TIAM2: variants seen among roughly 807,000 people sequenced by gnomAD.
TIAM2 encodes the protein rho guanine nucleotide exchange factor TIAM2.
TIAM2 carries 80 observed loss-of-function variants against 152.9 expected under a neutral mutation model. The observed-to-expected ratio is 0.52, with a 90% CI of 0.44 to 0.63. TIAM2 has a LOEUF of 0.63. Ranked by LOEUF, TIAM2 falls within the 30% of genes least tolerant of loss-of-function variation. The pLI, the probability that TIAM2 is intolerant of heterozygous loss-of-function variation, is 0.00. For missense variants in TIAM2, 1,965 were observed against 2,120.1 expected (o/e 0.93, Z 1.44); for synonymous variants, 804 against 838.0 (o/e 0.96, Z 0.70).
intron 1 of TIAM2, among the ~76,000 whole-genome samples, chr6:155,057,798 G>A (rs1230573135): frequency 4.6e-5 from 7 of 151,304 alleles, no homozygotes; most frequent in Non-Finnish European, 2.9e-5. Context: ...CACCTGCCTC[G>A]GACTCCCAAA....
intron 1 of TIAM2, among the ~76,000 whole-genome samples, chr6:155,068,608 C>G (rs974196247): frequency 6.7e-6 from 1 of 150,212 alleles, no homozygotes; most frequent in African/African-American, 2.5e-5. Context: ...ACCCGCCCCC[C>G]CATCACGTCT....
Position 155,063,143 on chromosome 6 carries a change from C to T in TIAM2, c.-208-27146C>T, listed in dbSNP as rs1289387969. ...TGTCATTTTTTTTTTAAGAAAATAACTGGTTCAGATTTAGTGGCAAGGCAA... is the reference window on the plus strand; with the variant it reads ...TGTCATTTTTTTTTTAAGAAAATAATTGGTTCAGATTTAGTGGCAAGGCAA... On this transcript the variant is annotated intron_variant, in intron 1 of 26. Transcript: ENST00000682666. 2.0e-5 allele frequency among the ~76,000 whole-genome samples: 3 copies of T among 151,780 alleles called. No homozygotes were observed. In the East Asian group the frequency reaches 5.8e-4, roughly 29 times the overall value.
At position 155,249,924 on chromosome 6, in the gene TIAM2, C is replaced by A. The variant is rs749551432; in HGVS notation, c.3906C>A (p.Thr1302=). ...AGAAGATCTATGAGGATTATGGGAC[C>A]GTGTTTGACCAGCTAGTAGCTGAGC... ...EMQKIYEDYG[T]VFDQLVAEQS... Residue 1302 remains threonine, a synonymous_variant, in exon 21 of 27, where the codon ACC becomes ACA. Coordinates refer to ENST00000682666, the MANE Select transcript of TIAM2 (RefSeq NM_012454.4). 1.2e-6 allele frequency: 2 copies of A among 1,613,870 alleles called. No homozygotes were observed. Among genetic ancestry groups the A allele is most frequent in the Non-Finnish European group, 1.7e-6 (2 of 1,179,944 alleles).
Position 155,152,453 on chromosome 6 carries a change from G to A in TIAM2, c.2028+4119G>A, listed in dbSNP as rs1327837429. Among the ~76,000 whole-genome samples, 8 of 152,180 alleles carry A rather than the reference G, an allele frequency of 5.3e-5. No individual in the cohort carries two copies. The East Asian group carries it at 5.8e-4, about 11-fold the overall frequency. On this transcript the variant is annotated intron_variant, in intron 7 of 26. Transcript: ENST00000682666. ...CGAGGCAGTGCAGCCGTACCTCCCC[G>A]CTCTCTGTCTGTGTGGAATGTAGGT...
chr6:155,114,034 ATATTTTTTTTTTTTTCTTTT>A (rs1405169072), intron 2 of TIAM2, among the ~76,000 whole-genome samples: 9 of 37,780 alleles, frequency 2.4e-4, no homozygotes, highest in African/African-American at 1.0e-3. Context: ...ATATATATAT[ATATTTTTTTTTTTTTCTTTT>A]TTTTTTTTTT....
intron 1 of TIAM2, among the ~76,000 whole-genome samples, chr6:155,069,063 T>C (rs1777773843): frequency 1.3e-5 from 2 of 152,028 alleles, no homozygotes; most frequent in Non-Finnish European, 1.5e-5. Flanking sequence ...GGACCACAGG[T>C]ATGCACCACC....
intron 12 of TIAM2, among the ~76,000 whole-genome samples, chr6:155,180,130 T>C (rs996244553): frequency 3.3e-5 from 5 of 152,042 alleles, no homozygotes; most frequent in Non-Finnish European, 2.9e-5. Flanking sequence ...AAATACAAAA[T>C]TAGCCAAGCA....
At chr6:155,080,757 G>T (rs755218) in intron 1 of TIAM2, among the ~76,000 whole-genome samples, 1 of 151,970 alleles carries the variant, frequency 6.6e-6, no homozygotes, top group Non-Finnish European at 1.5e-5. Context: ...TCAAGTGCCA[G>T]GTCAAAAATG....
At chr6:155,000,625 A>G (rs1020911625) in intron 1 of TIAM2, among the ~76,000 whole-genome samples, 11 of 152,102 alleles carry the variant, frequency 7.2e-5, no homozygotes, top group Non-Finnish European at 1.5e-4. Context: ...AGTAAGTGAC[A>G]TTAAGTGACA....
chr6:155,144,986 G>A (rs1049708779), intron 6 of TIAM2, among the ~76,000 whole-genome samples: 14 of 152,180 alleles, frequency 9.2e-5, no homozygotes, highest in Admixed American at 3.3e-4. Flanking sequence ...GCACTTTTCA[G>A]GTGCCTCTGA....
chr6:155,253,946 C>T (rs746867636), intron 24 of TIAM2, 27 bp from the exon 25 acceptor site: 2 of 1,592,666 alleles, frequency 1.3e-6, no homozygotes, highest in East Asian at 2.2e-5. Flanking sequence ...AAGTTGTAGA[C>T]TCTTGTTTCC....
At chr6:155,164,133 GTT>G (rs375238178) in intron 7 of TIAM2, among the ~76,000 whole-genome samples, 10,593 of 118,070 alleles carry the variant, frequency 0.09, 710 homozygotes, top group African/African-American at 0.15. Flanking sequence ...TAATTTTTGT[GTT>G]TTTTTTTTTT....
chr6:155,008,080 A>G (rs74351515), intron 1 of TIAM2, among the ~76,000 whole-genome samples: 1 of 152,210 alleles, frequency 6.6e-6, no homozygotes, highest in South Asian at 2.1e-4. Context: ...TCGACCTTAA[A>G]TAATACATCA....
intron 9 of TIAM2, among the ~76,000 whole-genome samples, chr6:155,166,354 T>G (rs1047807579): frequency 2.0e-5 from 3 of 151,760 alleles, no homozygotes; most frequent in African/African-American, 7.3e-5. Context: ...GATGGAGTCT[T>G]GCTCTGTCAC....
chr6:155,231,498 C>T (rs1192716593), intron 15 of TIAM2, among the ~76,000 whole-genome samples: 1 of 152,180 alleles, frequency 6.6e-6, no homozygotes, highest in Non-Finnish European at 1.5e-5. Context: ...CATCTTGAAC[C>T]TGTTTTTTAA....
chr6:155,138,983 G>A (rs1019333790), intron 5 of TIAM2, among the ~76,000 whole-genome samples: 3 of 152,188 alleles, frequency 2.0e-5, no homozygotes, highest in African/African-American at 7.2e-5. Context: ...TCTGTACAGC[G>A]TTGATTTATG....
At chr6:155,121,276 T>G (rs1270323860) in intron 2 of TIAM2, among the ~76,000 whole-genome samples, 5 of 152,188 alleles carry the variant, frequency 3.3e-5, no homozygotes, top group African/African-American at 1.2e-4. Context: ...GCAGTTATTA[T>G]GAGATCTGAT....
At chr6:155,028,704 GTT>G (rs1491090451) in intron 1 of TIAM2, among the ~76,000 whole-genome samples, 9 of 116,546 alleles carry the variant, frequency 7.7e-5, no homozygotes, top group Non-Finnish European at 1.2e-4. Flanking sequence ...TATATACTGT[GTT>G]ATATATATAC....
chr6:155,093,797 C>A (rs1422132134), intron 2 of TIAM2, among the ~76,000 whole-genome samples: 1 of 152,154 alleles, frequency 6.6e-6, no homozygotes, highest in Non-Finnish European at 1.5e-5. Context: ...TGTCAGTGGC[C>A]CCCTTTCTAA....
Sources: allele counts gnomAD v4.1 joint callset (sites outside exome capture counted in the v4.1 genomes callset), GRCh38; gene constraint gnomAD v4.1.1; transcripts MANE v1.5; gene names NCBI Gene and HGNC (gene_info 2026-07-23, HGNC 2026-07-21).